The following GRID1 variants were observed in gnomAD, a reference collection of about 807,000 sequenced individuals.
GRID1 encodes the protein glutamate ionotropic receptor delta type subunit 1, also known as glutamate receptor ionotropic, delta-1.
Under a neutral mutation model 98.0 loss-of-function variants are expected in GRID1, and 28 were observed. The ratio of observed to expected loss-of-function variants is 0.29; its 90% confidence interval spans 0.21 to 0.39. The LOEUF is 0.39. Ranked by LOEUF, GRID1 falls within the 10% of genes least tolerant of loss-of-function variation. The pLI, the probability that GRID1 is intolerant of heterozygous loss-of-function variation, is 1.00. For missense variants in GRID1, 1,111 were observed against 1,340.5 expected (o/e 0.83, Z 2.67); for synonymous variants, 553 against 538.5 (o/e 1.03, Z -0.37).
At chr10:85,790,266 C>T (rs1389416231) in intron 8 of GRID1, among the ~76,000 whole-genome samples, 2 of 152,196 alleles carry the variant, frequency 1.3e-5, no homozygotes, top group African/African-American at 4.8e-5. Flanking sequence ...TGGCAGATAC[C>T]AGGAACTCAA....
At chr10:86,359,967 A>C (rs927999403) in intron 2 of GRID1, among the ~76,000 whole-genome samples, 3 of 152,204 alleles carry the variant, frequency 2.0e-5, no homozygotes, top group African/African-American at 7.2e-5. Flanking sequence ...ATCCTTATCA[A>C]ATGGATATTT....
intron 7 of GRID1, among the ~76,000 whole-genome samples, chr10:85,855,016 C>T (rs1843095831): frequency 6.6e-6 from 1 of 152,206 alleles, no homozygotes; most frequent in Non-Finnish European, 1.5e-5. Flanking sequence ...CAAAGGTCAA[C>T]AGGAGACATA....
intron 2 of GRID1, among the ~76,000 whole-genome samples, chr10:86,358,482 G>A (rs1325283831): frequency 6.6e-6 from 1 of 152,134 alleles, no homozygotes; most frequent in Non-Finnish European, 1.5e-5. Flanking sequence ...GGGAGGGCCG[G>A]GCACGGTGGC....
At chr10:86,112,293 G>C (rs745400371) in intron 4 of GRID1, among the ~76,000 whole-genome samples, 8 of 152,264 alleles carry the variant, frequency 5.3e-5, no homozygotes, top group East Asian at 1.9e-4. Context: ...AAACCTCCTG[G>C]AACTAATCTC....
intron 2 of GRID1, among the ~76,000 whole-genome samples, chr10:86,259,681 C>T (rs566104009): frequency 3.4e-4 from 51 of 152,228 alleles, no homozygotes; most frequent in African/African-American, 8.2e-4. Context: ...TGTGTGTGCA[C>T]GCACATGCGT....
intron 2 of GRID1, among the ~76,000 whole-genome samples, chr10:86,213,509 T>C (rs1846133869): frequency 6.6e-6 from 1 of 152,148 alleles, no homozygotes; most frequent in Non-Finnish European, 1.5e-5. Flanking sequence ...TCCCTGTCTG[T>C]GCTGAAAGCT....
At chr10:86,310,050 CCA>C (rs1242093515) in intron 2 of GRID1, among the ~76,000 whole-genome samples, 1 of 152,236 alleles carries the variant, frequency 6.6e-6, no homozygotes, top group Non-Finnish European at 1.5e-5. Context: ...AGCCTCAGCT[CCA>C]CCACCTGCAC....
At chr10:85,838,019 C>A (rs1174147235) in intron 8 of GRID1, among the ~76,000 whole-genome samples, 1 of 152,104 alleles carries the variant, frequency 6.6e-6, no homozygotes, top group Non-Finnish European at 1.5e-5. Context: ...ATAATGCAAT[C>A]ACAAGTATTA....
intron 4 of GRID1, among the ~76,000 whole-genome samples, chr10:86,099,569 G>T (rs910336528): frequency 6.6e-6 from 1 of 152,068 alleles, no homozygotes; most frequent in Non-Finnish European, 1.5e-5. Flanking sequence ...TTGGAGCACA[G>T]TCTGGCTCCT....
At chr10:86,003,739 A>G (rs1484604298) in intron 4 of GRID1, among the ~76,000 whole-genome samples, 1 of 152,270 alleles carries the variant, frequency 6.6e-6, no homozygotes, top group African/African-American at 2.4e-5. Context: ...AAATGGAGAA[A>G]TGCACATTAT....
chr10:85,977,792 T>TC (rs932143798), intron 4 of GRID1, among the ~76,000 whole-genome samples: 3 of 152,006 alleles, frequency 2.0e-5, no homozygotes, highest in Admixed American at 6.5e-5. Context: ...GTTGAAGACC[T>TC]CCCCGCCGAC....
intron 4 of GRID1, among the ~76,000 whole-genome samples, chr10:86,015,224 T>A (rs959359159): frequency 3.3e-5 from 5 of 152,198 alleles, no homozygotes; most frequent in African/African-American, 1.2e-4. Context: ...CCATAGCAGG[T>A]GCTCAAAAAT....
rs1049985413 is a variant in GRID1, at chr10:85,600,659, A to C, written c.*1614T>G. Reference sequence around the variant, plus strand: ...TCTGACGGGTCTGGAGATCAGACTAACCTTTGTCTTTAGGAGAGGAACTGA... The same window carrying C: ...TCTGACGGGTCTGGAGATCAGACTACCCTTTGTCTTTAGGAGAGGAACTGA... On this transcript the variant is annotated 3_prime_UTR_variant, in exon 16 of 16. Transcript: ENST00000327946. The C allele has an allele frequency of 6.6e-6, 1 of 152,124 alleles. No homozygotes were observed. The highest frequency in any genetic ancestry group is 1.5e-5 in the Non-Finnish European group (1 of 68,044). The allele number at this position is 152,124 out of a possible 1,614,324, so 9.4% of individuals were successfully genotyped here. A position where few individuals can be genotyped will look rare whatever the true frequency, so the allele number is the denominator to read the frequency against.
chr10:86,243,585 A>G (rs963681765), intron 2 of GRID1, among the ~76,000 whole-genome samples: 1 of 152,212 alleles, frequency 6.6e-6, no homozygotes, highest in African/African-American at 2.4e-5. Context: ...GCTAACACAG[A>G]GGGAGCAGTT....
At chr10:86,181,958 T>C (rs1405355135) in intron 3 of GRID1, among the ~76,000 whole-genome samples, 1 of 152,220 alleles carries the variant, frequency 6.6e-6, no homozygotes, top group Non-Finnish European at 1.5e-5. Context: ...ATTGGACGAA[T>C]ACATGAATTT....
At chr10:85,909,200 T>G (rs1428585621) in intron 5 of GRID1, among the ~76,000 whole-genome samples, 1 of 152,216 alleles carries the variant, frequency 6.6e-6, no homozygotes, top group African/African-American at 2.4e-5. Flanking sequence ...TAGGAAGTAT[T>G]GTCAGTTATG....
At chr10:86,344,588 G>A (rs1402077648) in intron 2 of GRID1, among the ~76,000 whole-genome samples, 1 of 152,212 alleles carries the variant, frequency 6.6e-6, no homozygotes, top group Non-Finnish European at 1.5e-5. Context: ...ATGGAGCACA[G>A]CCCCTCCTAT....
intron 3 of GRID1, among the ~76,000 whole-genome samples, chr10:86,194,848 T>C (rs2132010987): frequency 6.6e-6 from 1 of 151,924 alleles, no homozygotes; most frequent in Non-Finnish European, 1.5e-5. Flanking sequence ...CTGCTACGGC[T>C]CTATGGTGAG....
chr10:85,822,068 TAAAACCATA>T (rs1254000238), intron 8 of GRID1, among the ~76,000 whole-genome samples: 2 of 152,158 alleles, frequency 1.3e-5, no homozygotes, highest in Admixed American at 1.3e-4. Context: ...ACGTTAGACC[TAAAACCATA>T]AAAACCCTAG....
Sources: gnomAD v4.1 joint callset for allele counts (sites outside exome capture counted in the v4.1 genomes callset) on GRCh38, gnomAD v4.1.1 for gene constraint, MANE v1.5 for transcripts, NCBI Gene and HGNC (gene_info 2026-07-23, HGNC 2026-07-21) for gene names.